Variants in EIF3B observed in about 807,000 individuals in gnomAD.
The protein encoded by EIF3B is eukaryotic translation initiation factor 3 subunit 9.
In EIF3B, 10 loss-of-function variants were observed where a neutral mutation model predicts 104.6. The ratio of observed to expected loss-of-function variants is 0.10; its 90% CI spans 0.06 to 0.16. The LOEUF (loss-of-function observed/expected upper bound fraction) is 0.16. Among genes scored for constraint, EIF3B ranks in the 10% least tolerant of loss-of-function variants. The pLI, the probability that EIF3B is intolerant of heterozygous loss-of-function variation, is 1.00. For missense variants in EIF3B, 1,014 were observed against 1,087.9 expected (o/e 0.93, Z 0.96); for synonymous variants, 542 against 417.2 (o/e 1.30, Z -3.65).
intron 12 of EIF3B, 39 bp downstream of exon 12, chr7:2,372,834 G>A (rs771249954): frequency 3.1e-6 from 5 of 1,601,110 alleles, no homozygotes; most frequent in African/African-American, 2.7e-5. Flanking sequence ...GAGTAGGTCA[G>A]CACAGATGAT....
At chr7:2,360,303 C>T (rs2115284794) in intron 1 of EIF3B, among the ~76,000 whole-genome samples, 1 of 152,308 alleles carries the variant, frequency 6.6e-6, no homozygotes, top group Admixed American at 6.5e-5. Context: ...TTTTCATTGA[C>T]ATTGGGATGG....
chr7:2,372,957 CCTGGAGGTGCCGCCTCCTTGCAG>C (rs1780439660), intron 12 of EIF3B, among the ~76,000 whole-genome samples, 162 bp downstream of exon 12: 1 of 152,140 alleles, frequency 6.6e-6, no homozygotes, highest in Non-Finnish European at 1.5e-5. Context: ...TGAGCGATGG[CCTGGAGGTGCCGCCTCCTTGCAG>C]GGTGTCTCTC....
chr7:2,361,404 A>G (rs778457268), intron 2 of EIF3B, among the ~76,000 whole-genome samples: 1 of 152,156 alleles, frequency 6.6e-6, no homozygotes, highest in Non-Finnish European at 1.5e-5. Flanking sequence ...ATAATGAAAC[A>G]TTCTCTGAGG....
intron 11 of EIF3B, chr7:2,372,162 C>A (rs972407096): frequency 1.8e-5 from 6 of 341,654 alleles, no homozygotes; most frequent in Non-Finnish European, 2.7e-5. Context: ...ACTGAGATTG[C>A]GCCCCTGCAC....
At chr7:2,366,872 G>T (rs112108404) in intron 8 of EIF3B, 127 bp from the exon 9 acceptor site, 4 of 1,018,926 alleles carry the variant, frequency 3.9e-6, no homozygotes, top group Non-Finnish European at 3.0e-6. Context: ...TCACTGTCAC[G>T]CTCTGTGTGC....
intron 15 of EIF3B, among the ~76,000 whole-genome samples, chr7:2,377,360 G>A (rs933681352): frequency 2.6e-5 from 4 of 152,206 alleles, no homozygotes; most frequent in African/African-American, 2.4e-5. Flanking sequence ...GATTAGAAGC[G>A]GCTTGTCTGG....
chr7:2,379,091 A>G (rs1460669021), intron 16 of EIF3B, 43 bp from the exon 17 acceptor site: 7 of 1,569,748 alleles, frequency 4.5e-6, no homozygotes, highest in South Asian at 2.2e-5. Flanking sequence ...ATGGGGAGGC[A>G]CTTGTCTTAC....
intron 9 of EIF3B, 31 bp downstream of exon 9, chr7:2,367,076 T>C: frequency 1.9e-6 from 3 of 1,589,612 alleles, no homozygotes; most frequent in Non-Finnish European, 2.6e-6. Context: ...GGTGTCTTAG[T>C]GTGTTCAGGC....
intron 6 of EIF3B, among the ~76,000 whole-genome samples, chr7:2,364,885 T>C (rs540100903): frequency 6.6e-6 from 1 of 152,372 alleles, no homozygotes; most frequent in Non-Finnish European, 1.5e-5. Flanking sequence ...CTGATTTTGT[T>C]ACTTGACCTA....
intron 13 of EIF3B, 43 bp from the exon 14 acceptor site, chr7:2,375,346 T>A (rs367946079): frequency 8.7e-6 from 14 of 1,609,214 alleles, no homozygotes; most frequent in Non-Finnish European, 1.2e-5. Context: ...TGCCAGGAGG[T>A]ATGCGTCTCC....
upstream of EIF3B, chr7:2,354,796 G>C (rs1287334405): frequency 1.0e-6 from 1 of 957,360 alleles, no homozygotes; most frequent in African/African-American, 1.8e-5. Context: ...CCCGCCCCGC[G>C]GCCTTGGTGC....
chr7:2,376,878 C>A, intron 14 of EIF3B, 72 bp from the exon 15 acceptor site: 1 of 1,558,472 alleles, frequency 6.4e-7, no homozygotes, highest in East Asian at 2.3e-5. Flanking sequence ...GGACCTTGTT[C>A]AGCAAGTGAC....
At chr7:2,362,866 T>C (rs767486333) in intron 3 of EIF3B, 102 bp downstream of exon 3, 20 of 1,546,094 alleles carry the variant, frequency 1.3e-5, no homozygotes, top group Non-Finnish European at 1.5e-5. Context: ...TGTCAGATTG[T>C]TCACATCCTT....
At chr7:2,359,197 T>A (rs1481350057) in intron 1 of EIF3B, among the ~76,000 whole-genome samples, 1 of 152,218 alleles carries the variant, frequency 6.6e-6, no homozygotes, top group Non-Finnish European at 1.5e-5. Context: ...TCTGCCTGGC[T>A]CTTGGCACTC....
intron 16 of EIF3B, 164 bp downstream of exon 16, chr7:2,378,930 C>T (rs935003115): frequency 7.8e-6 from 6 of 768,020 alleles, no homozygotes; most frequent in South Asian, 1.8e-5. Flanking sequence ...GGGGTTGGCA[C>T]GGGGACTTGG....
chr7:2,367,200 G>A lies in EIF3B; in HGVS notation c.1403+155G>A, dbSNP rs58264442. 3.0e-3 allele frequency: 2,030 copies of A among 684,720 alleles called. 35 individuals are homozygous for A. In the African/African-American group the frequency reaches 0.034, roughly 12 times the overall value. The allele number at this position is 684,720 out of a possible 1,614,324, so 42.4% of individuals were successfully genotyped here. A position where few individuals can be genotyped will look rare whatever the true frequency, so the allele number is the denominator to read the frequency against. ...TGGAGCTTGGGAGCTTGAGGTCAGGGTGCCTGCAGACTGTCTGGTGACGGC... is the reference window on the plus strand; with the variant it reads ...TGGAGCTTGGGAGCTTGAGGTCAGGATGCCTGCAGACTGTCTGGTGACGGC... On this transcript the variant is annotated intron_variant, in intron 9 of 18. Transcript: ENST00000360876.
chr7:2,365,610 A>G (rs1052455483), intron 6 of EIF3B, among the ~76,000 whole-genome samples: 22 of 150,680 alleles, frequency 1.5e-4, no homozygotes, highest in East Asian at 7.8e-4. Flanking sequence ...TGAAGTTTCT[A>G]TCAGACCTGT....
chr7:2,375,570 G>A (rs911690123), intron 14 of EIF3B, 43 bp downstream of exon 14: 8 of 1,612,378 alleles, frequency 5.0e-6, no homozygotes, highest in African/African-American at 1.3e-5. Flanking sequence ...GATAGAAGCA[G>A]GGAGTGCTGG....
intron 12 of EIF3B, chr7:2,373,399 G>A (rs75980896): frequency 0.012 from 1,843 of 152,632 alleles, 42 homozygotes; most frequent in African/African-American, 0.042. Context: ...CTTCATAGGC[G>A]TGGGGTGTGT....
Sources: gnomAD v4.1 joint callset for allele counts (sites outside exome capture counted in the v4.1 genomes callset) on GRCh38, gnomAD v4.1.1 for gene constraint, MANE v1.5 for transcripts, NCBI Gene and HGNC (gene_info 2026-07-23, HGNC 2026-07-21) for gene names.